The following TLN2 variants were observed in gnomAD, a reference collection of about 807,000 sequenced individuals.
TLN2 encodes the protein talin 2.
TLN2 carries 118 observed loss-of-function variants against 294.7 expected under a neutral mutation model. That is an observed-to-expected ratio of 0.40 (90% CI 0.34 to 0.47). TLN2 has a LOEUF of 0.47. Among genes scored for constraint, TLN2 ranks in the 20% least tolerant of loss-of-function variants. The pLI is 0.84. For missense variants in TLN2, 3,083 were observed against 3,282.2 expected (o/e 0.94, Z 1.48); for synonymous variants, 1,431 against 1,304.5 (o/e 1.10, Z -2.09).
At chr15:62,818,749 G>A (rs12594810) in intron 52 of TLN2, among the ~76,000 whole-genome samples, 40,624 of 152,020 alleles carry the variant, frequency 0.27, 6,785 homozygotes, top group East Asian at 0.54. Flanking sequence ...GACTTGAGTG[G>A]CGTGTTTCCT....
chr15:62,697,908 T>C, intron 15 of TLN2, 40 bp downstream of exon 15: 1 of 1,598,764 alleles, frequency 6.3e-7, no homozygotes, highest in Non-Finnish European at 8.5e-7. Context: ...GTTAGTCTGC[T>C]GCCTCCCGCA....
In TLN2 at chr15:62,736,971, A is replaced by C; in HGVS notation, c.3452A>C (p.His1151Pro). 1.2e-6 allele frequency: 2 copies of C among 1,614,188 alleles called. No homozygotes were observed. Among genetic ancestry groups the C allele is most frequent in the Non-Finnish European group, 1.7e-6 (2 of 1,180,036 alleles). Residue 1151 changes from histidine to proline, a missense_variant, in exon 29 of 59, where the codon CAT (histidine) becomes CCT (proline). His to Pro is a moderately conservative substitution (Grantham distance 77). Coordinates refer to ENST00000636159, the MANE Select transcript of TLN2 (RefSeq NM_015059.3). ...TCGACAACCGACCCCGCGGCCGCCC[A>C]TGCCATGTTAGATTCTGCTCGAGAC... The part of the protein sequence containing the change: ...AASTTDPAAA[H>P]AMLDSARDVM...
At chr15:62,729,033 G>T (rs2060581424) in intron 28 of TLN2, among the ~76,000 whole-genome samples, 1 of 152,120 alleles carries the variant, frequency 6.6e-6, no homozygotes, top group South Asian at 2.1e-4. Flanking sequence ...TGTGCAGTAG[G>T]ATTCATTTAA....
chr15:62,490,959 A>T (rs1408007830), intron 1 of TLN2, among the ~76,000 whole-genome samples: 1 of 152,178 alleles, frequency 6.6e-6, no homozygotes, highest in Non-Finnish European at 1.5e-5. Context: ...GGAGATCCTG[A>T]TGACATGGGC....
At chr15:62,799,033 C>A (rs554370553) in intron 48 of TLN2, among the ~76,000 whole-genome samples, 2 of 152,336 alleles carry the variant, frequency 1.3e-5, no homozygotes, top group African/African-American at 4.8e-5. Context: ...AATACGTTGT[C>A]ACATCTGAGA....
intron 2 of TLN2, among the ~76,000 whole-genome samples, chr15:62,614,861 AGT>A (rs773061851): frequency 4.2e-4 from 64 of 152,154 alleles, no homozygotes; most frequent in Non-Finnish European, 7.5e-4. Flanking sequence ...CGCTCTGTGC[AGT>A]GGTGCCATCT....
Position 62,835,998 on chromosome 15 carries a change from C to T in TLN2, c.7299C>T (p.Ala2433=), listed in dbSNP as rs376942636. Reference sequence around the variant, plus strand: ...TCATCTCATCTGCCAAGCAGGTCGCCGCTTCCACGGCTCAGCTGCTGGTGG... The same window carrying T: ...TCATCTCATCTGCCAAGCAGGTCGCTGCTTCCACGGCTCAGCTGCTGGTGG... The part of the protein sequence containing the change: ...EKLISSAKQV[A]ASTAQLLVAC... The change falls in exon 57 of 59, where the codon GCC becomes GCT. Residue 2433 remains alanine (A), a synonymous_variant. Coordinates refer to ENST00000636159, the MANE Select transcript of TLN2 (RefSeq NM_015059.3). 6.9e-5 allele frequency: 111 copies of T among 1,613,712 alleles called. No individual in the cohort carries two copies. Among genetic ancestry groups the T allele is most frequent in the Middle Eastern group, 1.7e-4 (1 of 6,060 alleles).
intron 1 of TLN2, among the ~76,000 whole-genome samples, chr15:62,530,604 C>T (rs2040992039): frequency 6.6e-6 from 1 of 152,196 alleles, no homozygotes; most frequent in Non-Finnish European, 1.5e-5. Context: ...ATCTGCCTGC[C>T]TTGGCCTCCC....
chr15:62,822,807 T>A (rs2067687313), intron 54 of TLN2, among the ~76,000 whole-genome samples: 1 of 152,186 alleles, frequency 6.6e-6, no homozygotes, highest in African/African-American at 2.4e-5. Context: ...GATGCAGAAT[T>A]ATGTACTTAT....
intron 33 of TLN2, among the ~76,000 whole-genome samples, chr15:62,749,743 C>T (rs2061818268): frequency 6.6e-6 from 1 of 152,190 alleles, no homozygotes; most frequent in African/African-American, 2.4e-5. Flanking sequence ...GGAAAAGTCC[C>T]TTACAAGTGG....
intron 1 of TLN2, among the ~76,000 whole-genome samples, chr15:62,418,916 CTGGA>C (rs1403521264): frequency 6.6e-6 from 1 of 152,174 alleles, no homozygotes; most frequent in African/African-American, 2.4e-5. Flanking sequence ...TTCAGGCCAT[CTGGA>C]TGTATATATG....
intron 16 of TLN2, among the ~76,000 whole-genome samples, chr15:62,699,838 C>G: frequency 6.6e-6 from 1 of 152,198 alleles, no homozygotes; most frequent in East Asian, 1.9e-4. Flanking sequence ...CCAAATAAAT[C>G]GTTGTTGCTG....
At chr15:62,426,484 G>A (rs2034715639) in intron 1 of TLN2, among the ~76,000 whole-genome samples, 1 of 152,182 alleles carries the variant, frequency 6.6e-6, no homozygotes, top group Non-Finnish European at 1.5e-5. Context: ...GGCAGGGATT[G>A]GGATAGGGGA....
chr15:62,697,918 A>AT (rs2058461156), intron 15 of TLN2, 50 bp downstream of exon 15: 1 of 1,588,116 alleles, frequency 6.3e-7, no homozygotes, highest in Non-Finnish European at 8.6e-7. Flanking sequence ...TGCCTCCCGC[A>AT]TGCAGGGTGG....
chr15:62,423,317 G>A (rs899182545), intron 1 of TLN2, among the ~76,000 whole-genome samples: 4 of 152,150 alleles, frequency 2.6e-5, no homozygotes, highest in Non-Finnish European at 5.9e-5. Context: ...AGCCTGGGAG[G>A]TCGAGGTTGT....
At chr15:62,432,120 G>T (rs1397824133) in intron 1 of TLN2, among the ~76,000 whole-genome samples, 1 of 152,130 alleles carries the variant, frequency 6.6e-6, no homozygotes, top group African/African-American at 2.4e-5. Context: ...GTGTGTGTAT[G>T]TTTAATTAAA....
At chr15:62,735,233 C>G (rs2060946484) in intron 28 of TLN2, among the ~76,000 whole-genome samples, 1 of 152,190 alleles carries the variant, frequency 6.6e-6, no homozygotes, top group African/African-American at 2.4e-5. Flanking sequence ...GTAAGCTGTT[C>G]AGCGATTCTC....
rs2045864974 is a variant in TLN2, at chr15:62,588,796, A to G, written c.-237-891A>G. Among the ~76,000 whole-genome samples the G allele has an allele frequency of 2.7e-5, 4 of 148,118 alleles. No individual in the cohort carries two copies. In the South Asian group the frequency reaches 8.6e-4, roughly 32 times the overall value. ...ACATGTAGCTAGTAACAATTTTTTT[A>G]ATCTAAAATTTTTGAATGGCAAAAA... On this transcript the variant is annotated intron_variant, in intron 1 of 58. Transcript: ENST00000636159.
At chr15:62,752,796 T>C (rs1016292271) in intron 35 of TLN2, among the ~76,000 whole-genome samples, 5 of 152,244 alleles carry the variant, frequency 3.3e-5, no homozygotes, top group Non-Finnish European at 7.3e-5. Flanking sequence ...TGTCATGCTC[T>C]TTTTAGAATC....
Sources: gnomAD v4.1 joint callset for allele counts (sites outside exome capture counted in the v4.1 genomes callset) on GRCh38, gnomAD v4.1.1 for gene constraint, MANE v1.5 for transcripts, NCBI Gene and HGNC (gene_info 2026-07-23, HGNC 2026-07-21) for gene names.